ASIC2: variants seen among roughly 807,000 people sequenced by gnomAD.
The protein encoded by ASIC2 is acid sensing ion channel subunit 2.
In ASIC2, 25 loss-of-function variants were observed where a neutral mutation model predicts 57.3. That is an observed-to-expected ratio of 0.44 (90% CI 0.32 to 0.61). The LOEUF (loss-of-function observed/expected upper bound fraction) is 0.61. Ranked by LOEUF, ASIC2 falls within the 20% of genes least tolerant of loss-of-function variation. ASIC2 has a pLI of 0.06. For missense variants in ASIC2, 641 were observed against 738.1 expected (o/e 0.87, Z 1.52); for synonymous variants, 319 against 307.5 (o/e 1.04, Z -0.39).
intron 1 of ASIC2, among the ~76,000 whole-genome samples, chr17:34,130,864 C>T (rs117971699): frequency 4.2e-3 from 646 of 152,316 alleles, no homozygotes; most frequent in Non-Finnish European, 5.8e-3. Context: ...AATTATTATA[C>T]GGCCACTCTG....
chr17:33,090,601 G>A (rs965033436), intron 2 of ASIC2, among the ~76,000 whole-genome samples: 6 of 152,108 alleles, frequency 3.9e-5, no homozygotes, highest in South Asian at 2.1e-4. Context: ...GGGGGTCAGG[G>A]ATGGAGAGGG....
At chr17:33,981,865 T>G (rs1430788918) in intron 1 of ASIC2, among the ~76,000 whole-genome samples, 1 of 152,226 alleles carries the variant, frequency 6.6e-6, no homozygotes, top group Non-Finnish European at 1.5e-5. Flanking sequence ...CAACATTATC[T>G]AAGGTCACAT....
At chr17:33,164,489 A>G (rs4271640) in intron 1 of ASIC2, among the ~76,000 whole-genome samples, 49,199 of 151,596 alleles carry the variant, frequency 0.32, 8,091 homozygotes, top group Admixed American at 0.4. Flanking sequence ...CTCTTGGCTC[A>G]AACCTCAGGC....
intron 1 of ASIC2, chr17:34,155,737 C>T: frequency 3.9e-6 from 2 of 509,906 alleles, no homozygotes; most frequent in Admixed American, 7.4e-5. Context: ...GAAGTGATCC[C>T]CCACCGCAAG....
intron 1 of ASIC2, among the ~76,000 whole-genome samples, chr17:33,207,418 T>C (rs1159926510): frequency 6.6e-6 from 1 of 152,228 alleles, no homozygotes; most frequent in African/African-American, 2.4e-5. Flanking sequence ...AGGGTTTTCA[T>C]ATGTGTCATG....
At chr17:33,463,702 C>T (rs1912718456) in intron 1 of ASIC2, among the ~76,000 whole-genome samples, 1 of 152,188 alleles carries the variant, frequency 6.6e-6, no homozygotes, top group Non-Finnish European at 1.5e-5. Flanking sequence ...GACTCCTGCC[C>T]TCCTATGATT....
At chr17:34,109,872 TTCTC>T (rs903274269) in intron 1 of ASIC2, among the ~76,000 whole-genome samples, 1 of 152,148 alleles carries the variant, frequency 6.6e-6, no homozygotes, top group East Asian at 1.9e-4. Flanking sequence ...AAATAAGTTT[TTCTC>T]TCTCTTTATC....
chr17:33,081,436 C>G (rs2092112618), intron 3 of ASIC2, among the ~76,000 whole-genome samples: 2 of 152,224 alleles, frequency 1.3e-5, no homozygotes, highest in Admixed American at 1.3e-4. Flanking sequence ...AGCGGGCCAT[C>G]TCACCTTGTG....
At chr17:33,459,085 T>G (rs1912548109) in intron 1 of ASIC2, among the ~76,000 whole-genome samples, 1 of 151,820 alleles carries the variant, frequency 6.6e-6, no homozygotes, top group South Asian at 2.1e-4. Context: ...CGTTTTTTTG[T>G]TTTTTGTGTT....
At chr17:33,048,336 C>T (rs11654976) in intron 3 of ASIC2, among the ~76,000 whole-genome samples, 33,108 of 152,118 alleles carry the variant, frequency 0.22, 3,850 homozygotes, top group East Asian at 0.36. Flanking sequence ...GACAGGCACA[C>T]TTCAGTTTGT....
At chr17:33,749,805 C>G (rs1185259214) in intron 1 of ASIC2, among the ~76,000 whole-genome samples, 2 of 152,112 alleles carry the variant, frequency 1.3e-5, no homozygotes, top group African/African-American at 2.4e-5. Flanking sequence ...TAAGTCCGTC[C>G]AAAGCCAGTG....
intron 1 of ASIC2, among the ~76,000 whole-genome samples, chr17:33,647,138 G>T (rs2142037003): frequency 6.6e-6 from 1 of 152,224 alleles, no homozygotes; most frequent in African/African-American, 2.4e-5. Flanking sequence ...TGAGGTGAAA[G>T]ATGCCATGGA....
intron 1 of ASIC2, among the ~76,000 whole-genome samples, chr17:34,079,263 C>T (rs1909790881): frequency 6.6e-6 from 1 of 152,224 alleles, no homozygotes; most frequent in South Asian, 2.1e-4. Flanking sequence ...GCCTCTCTGG[C>T]CACTGCCCAC....
chr17:33,552,911 C>T lies in ASIC2; in HGVS notation c.556-440844G>A, dbSNP rs993522085. On this transcript the variant is annotated intron_variant, in intron 1 of 9. Coordinates refer to the ASIC2 transcript ENST00000359872. ...AGTGCTGCTGGGCTCTCTTGCACCG[C>T]CCTGGAGCTGGGAGGGGAAATGCAT... Among the ~76,000 whole-genome samples the T allele has an allele frequency of 4.6e-5, 7 of 152,316 alleles. No individual in the cohort carries two copies. The East Asian group carries it at 5.8e-4, about 13-fold the overall frequency.
intron 1 of ASIC2, among the ~76,000 whole-genome samples, chr17:33,147,663 T>C (rs952082846): frequency 1.1e-4 from 16 of 152,306 alleles, no homozygotes; most frequent in Non-Finnish European, 1.9e-4. Context: ...GAGGATCTGC[T>C]AATAATTTTT....
At chr17:33,149,905 C>CT (rs1386665062) in intron 1 of ASIC2, among the ~76,000 whole-genome samples, 1 of 152,188 alleles carries the variant, frequency 6.6e-6, no homozygotes, top group Non-Finnish European at 1.5e-5. Flanking sequence ...AGGCACCAGA[C>CT]TAACAGTCCT....
At chr17:33,357,958 ATGGAGTCCT>A (rs1908450696) in intron 1 of ASIC2, among the ~76,000 whole-genome samples, 1 of 152,146 alleles carries the variant, frequency 6.6e-6, no homozygotes, top group East Asian at 1.9e-4. Flanking sequence ...CCCTACTGAA[ATGGAGTCCT>A]TGGCTGCAGA....
intron 1 of ASIC2, among the ~76,000 whole-genome samples, chr17:33,947,656 C>A (rs985880672): frequency 3.9e-5 from 6 of 152,122 alleles, no homozygotes; most frequent in Non-Finnish European, 8.8e-5. Flanking sequence ...AACTCAGGAT[C>A]CATTGAGGAT....
intron 1 of ASIC2, among the ~76,000 whole-genome samples, chr17:33,597,934 T>C (rs1322617762): frequency 6.6e-6 from 1 of 152,260 alleles, no homozygotes; most frequent in Admixed American, 6.5e-5. Context: ...ACGTGCAGAA[T>C]GTCTTCCAAA....
Sources: allele counts gnomAD v4.1 joint callset (sites outside exome capture counted in the v4.1 genomes callset), GRCh38; gene constraint gnomAD v4.1.1; transcripts MANE v1.5; gene names NCBI Gene and HGNC (gene_info 2026-07-23, HGNC 2026-07-21).